Variants in CHEK1 observed in about 807,000 individuals in gnomAD.
CHEK1 encodes the protein checkpoint kinase 1.
A neutral mutation model predicts 60.2 loss-of-function variants in CHEK1; 32 were observed. That is an observed-to-expected ratio of 0.53 (90% CI 0.40 to 0.71). The LOEUF is 0.71. CHEK1 is among the 30% of genes least tolerant of loss of function. The pLI is 0.00. For synonymous variants in CHEK1, 179 were observed against 187.2 expected (o/e 0.96, Z 0.36); for missense variants, 399 against 564.6 (o/e 0.71, Z 2.97).
intron 13 of CHEK1, among the ~76,000 whole-genome samples, chr11:125,674,923 C>G (rs1591436265): frequency 6.6e-6 from 1 of 152,204 alleles, no homozygotes; most frequent in African/African-American, 2.4e-5. Flanking sequence ...CCTCAAAAAA[C>G]TCTTTGCTCT....
chr11:125,658,029 G>A, downstream of CHEK1, among the ~76,000 whole-genome samples: 1 of 152,174 alleles, frequency 6.6e-6, no homozygotes, highest in East Asian at 1.9e-4. Flanking sequence ...TTCACCTACA[G>A]TTGGTGTGGT....
chr11:125,657,822 C>G (rs999423402), downstream of CHEK1, among the ~76,000 whole-genome samples: 2 of 151,994 alleles, frequency 1.3e-5, no homozygotes, highest in African/African-American at 4.8e-5. Context: ...TTGCTAGGTC[C>G]TAGAGTCTAA....
chr11:125,673,094 G>T (rs530965719), intron 13 of CHEK1, among the ~76,000 whole-genome samples: 1 of 150,832 alleles, frequency 6.6e-6, no homozygotes, highest in Non-Finnish European at 1.5e-5. Context: ...CTACTATGCC[G>T]AAACCTCTCT....
chr11:125,668,170 C>T (rs551715615), intron 13 of CHEK1, among the ~76,000 whole-genome samples: 1 of 152,274 alleles, frequency 6.6e-6, no homozygotes, highest in African/African-American at 2.4e-5. Flanking sequence ...TCAGTCCTAA[C>T]AATGTCTTTT....
At chr11:125,626,327 G>A (rs1000626153) in intron 1 of CHEK1, 1 of 457,440 alleles carries the variant, frequency 2.2e-6, no homozygotes, top group Non-Finnish European at 3.9e-6. Flanking sequence ...GATGGGGATG[G>A]GAATTGGAAT....
At position 125,627,797 on chromosome 11, in the gene CHEK1, T is replaced by C. The variant is rs1940686020; in HGVS notation, c.256T>C (p.Tyr86His). Residue 86 changes from tyrosine to histidine, a missense_variant, in exon 3 of 13, where the codon TAC (tyrosine) becomes CAC (histidine). Physicochemically the swap from Tyr to His is moderately conservative, Grantham distance 83. This residue lies in a region of CHEK1 where 370 missense variants were observed against 494.8 expected (regional missense o/e 0.75). Coordinates refer to ENST00000438015, the MANE Select transcript of CHEK1 (RefSeq NM_001114122.3). ...EGNIQYLFLE[Y>H]CSGGELFDRI... ...CAATATCCAATATTTATTTCTGGAG[T>C]ACTGTAGTGGAGGAGAGCTTTTTGA... 1 of 1,611,332 alleles carries C rather than the reference T, an allele frequency of 6.2e-7. No individual in the cohort carries two copies. Among genetic ancestry groups the C allele is most frequent in the Non-Finnish European group, 8.5e-7 (1 of 1,179,378 alleles).
At position 125,633,185 on chromosome 11, in the gene CHEK1, T is replaced by C; in HGVS notation, c.447T>C (p.Phe149=). Residue 149 remains phenylalanine, a synonymous_variant, in exon 6 of 13, where the codon TTT becomes TTC. Coordinates refer to ENST00000438015, the MANE Select transcript of CHEK1 (RefSeq NM_001114122.3). The part of the protein sequence containing the change: ...DERDNLKISD[F]GLATVFRYNN... The stretch of plus-strand genomic sequence containing the variant: ...TAGATAACCTCAAAATCTCAGACTT[T>C]GGCTTGGCAACAGTATTTCGGTATA... The C allele has an allele frequency of 7.5e-6, 12 of 1,593,382 alleles. No individual in the cohort carries two copies. Among genetic ancestry groups the C allele is most frequent in the Non-Finnish European group, 1.0e-5 (12 of 1,174,392 alleles).
rs79305881 is a variant in CHEK1, at chr11:125,631,100, G to A, written c.424+1640G>A. On this transcript the variant is annotated intron_variant, in intron 5 of 12. Coordinates refer to ENST00000438015, the MANE Select transcript of CHEK1 (RefSeq NM_001114122.3). ...GAGAAAAAAACATGCAGAAAAGCAA[G>A]GGTATAATAAAACCAAATTCAGAAT... is the stretch of plus-strand genomic sequence containing the variant. 9.2e-3 allele frequency among the ~76,000 whole-genome samples: 1,403 copies of A among 152,250 alleles called. 22 individuals carry two copies. Among genetic ancestry groups the A allele is most frequent in the African/African-American group, 0.03 (1,253 of 41,550 alleles).
chr11:125,676,565 A>G (rs895193460), downstream of CHEK1: 126 of 1,499,938 alleles, frequency 8.4e-5, no homozygotes, highest in Non-Finnish European at 1.1e-4. Context: ...AATGGGCAAT[A>G]GGTAGCATGG....
At chr11:125,635,863 A>G (rs772141888) in intron 7 of CHEK1, 27 of 165,078 alleles carry the variant, frequency 1.6e-4, no homozygotes, top group Non-Finnish European at 2.9e-4. Context: ...GATGCACTCT[A>G]ACAAATGTTT....
intron 2 of CHEK1, 71 bp downstream of exon 2, chr11:125,626,904 A>G: frequency 6.7e-7 from 1 of 1,489,350 alleles, no homozygotes. Context: ...CACTCTGGTG[A>G]TTTAGAAAGT....
chr11:125,658,269 A>G (rs1941954077), downstream of CHEK1, among the ~76,000 whole-genome samples: 1 of 152,134 alleles, frequency 6.6e-6, no homozygotes, highest in Non-Finnish European at 1.5e-5. Context: ...GGGTCTCACC[A>G]TGTTGCCCAG....
At chr11:125,631,467 C>G (rs891449340) in intron 5 of CHEK1, among the ~76,000 whole-genome samples, 3 of 151,894 alleles carry the variant, frequency 2.0e-5, no homozygotes, top group Non-Finnish European at 4.4e-5. Flanking sequence ...TAACAAAGTC[C>G]AAGGAATACT....
downstream of CHEK1, among the ~76,000 whole-genome samples, chr11:125,679,339 T>G (rs553698975): frequency 6.6e-6 from 1 of 151,224 alleles, no homozygotes; most frequent in African/African-American, 2.4e-5. Context: ...TGCCTCTGCC[T>G]CCCGAGTAGC....
downstream of CHEK1, chr11:125,676,291 A>C: frequency 1.9e-6 from 3 of 1,580,222 alleles, no homozygotes; most frequent in South Asian, 1.1e-5. Context: ...TGTCATTCCA[A>C]CTGCCCCCTA....
intron 13 of CHEK1, chr11:125,671,625 T>C (rs1214092710): frequency 6.6e-6 from 1 of 152,226 alleles, no homozygotes; most frequent in Non-Finnish European, 1.5e-5. Flanking sequence ...CTACTTTCAT[T>C]GTGGTGGAAA....
At chr11:125,626,291 C>T (rs931979410) in intron 1 of CHEK1, 5 of 493,698 alleles carry the variant, frequency 1.0e-5, no homozygotes, top group African/African-American at 3.8e-5. Flanking sequence ...GGCCCCGCCC[C>T]GGCCTTTGGG....
intron 12 of CHEK1, 30 bp from the exon 13 acceptor site, chr11:125,655,195 C>T (rs1414536984): frequency 6.5e-7 from 1 of 1,541,520 alleles, no homozygotes; most frequent in Non-Finnish European, 8.9e-7. Context: ...TTTGTTTTGA[C>T]ATAATTTTTT....
Position 125,644,076 on chromosome 11 carries a change from G to C in CHEK1, c.924-15G>C, listed in dbSNP as rs374795594. 2 of 1,605,620 alleles carry C rather than the reference G, an allele frequency of 1.2e-6. No homozygotes were observed. Among genetic ancestry groups the C allele is most frequent in the African/African-American group, 2.7e-5 (2 of 74,434 alleles). ...TTTTATTAAATGTATGTTTCTTTCT[G>C]TCTTAATGCCTCAGTGAAGAAAATG... On this transcript the variant is annotated splice_polypyrimidine_tract_variant and intron_variant, in intron 9 of 12. Coordinates refer to ENST00000438015, the MANE Select transcript of CHEK1 (RefSeq NM_001114122.3).
Sources: gnomAD v4.1 joint callset for allele counts (sites outside exome capture counted in the v4.1 genomes callset) on GRCh38, gnomAD v4.1.1 for gene constraint, gnomAD v4.1.1 regional missense constraint, MANE v1.5 for transcripts, NCBI Gene and HGNC (gene_info 2026-07-23, HGNC 2026-07-21) for gene names.